Variants in FBXW11 observed in about 807,000 individuals in gnomAD.
FBXW11 encodes F-box and WD repeat domain containing 11, also known as F-box/WD repeat-containing protein 11.
FBXW11 carries 19 observed loss-of-function variants against 77.6 expected under a neutral mutation model. The observed-to-expected ratio is 0.24, with a 90% CI of 0.17 to 0.36. The LOEUF is 0.36. Among genes scored for constraint, FBXW11 ranks in the 10% least tolerant of loss-of-function variants. The pLI is 1.00. For missense variants in FBXW11, 334 were observed against 704.2 expected (o/e 0.47, Z 5.95); for synonymous variants, 235 against 249.4 (o/e 0.94, Z 0.54).
At chr5:171,938,683 A>T (rs4868132) in intron 2 of FBXW11, among the ~76,000 whole-genome samples, 120,577 of 152,174 alleles carry the variant, frequency 0.79, 51,379 homozygotes, top group East Asian at 0.97. Flanking sequence ...ATTCAGTAAC[A>T]ATATGAAAAT....
At chr5:171,957,785 T>C (rs531722140) in intron 1 of FBXW11, 87 bp from the exon 2 acceptor site, 46 of 1,145,260 alleles carry the variant, frequency 4.0e-5, no homozygotes, top group Non-Finnish European at 5.3e-5. Flanking sequence ...TGAATGTTAG[T>C]TGGGGCAGGG....
chr5:171,987,840 C>T (rs1409792710), intron 1 of FBXW11, among the ~76,000 whole-genome samples: 4 of 152,170 alleles, frequency 2.6e-5, no homozygotes, highest in South Asian at 4.1e-4. Flanking sequence ...GTGATCCTTA[C>T]AAGTTTTCAC....
intron 4 of FBXW11, among the ~76,000 whole-genome samples, chr5:171,907,506 C>T (rs1760605437): frequency 6.6e-6 from 1 of 152,116 alleles, no homozygotes. Context: ...GGAACTAATG[C>T]CATGTTTAAT....
At chr5:171,957,010 G>C (rs947535127) in intron 2 of FBXW11, among the ~76,000 whole-genome samples, 1 of 152,184 alleles carries the variant, frequency 6.6e-6, no homozygotes, top group Non-Finnish European at 1.5e-5. Flanking sequence ...TTCTCTGCCG[G>C]CCTCGGCCTG....
chr5:171,923,017 C>G (rs1384229080), intron 2 of FBXW11, among the ~76,000 whole-genome samples: 1 of 152,134 alleles, frequency 6.6e-6, no homozygotes, highest in African/African-American at 2.4e-5. Context: ...GCGGTTCAAG[C>G]AATACTCGTG....
At chr5:171,916,744 G>A (rs1292040724) in intron 2 of FBXW11, among the ~76,000 whole-genome samples, 1 of 152,054 alleles carries the variant, frequency 6.6e-6, no homozygotes, top group African/African-American at 2.4e-5. Context: ...TTCTAAGAGT[G>A]GTAAGGAGAA....
chr5:171,982,064 G>A (rs1339214236), intron 1 of FBXW11, among the ~76,000 whole-genome samples: 1 of 151,984 alleles, frequency 6.6e-6, no homozygotes. Flanking sequence ...TTGGGGTGAC[G>A]GAAATGTTCC....
intron 1 of FBXW11, among the ~76,000 whole-genome samples, chr5:171,974,723 T>C (rs1371804166): frequency 5.3e-5 from 8 of 152,062 alleles, no homozygotes; most frequent in African/African-American, 1.9e-4. Flanking sequence ...TAACAAGACC[T>C]CATCTCTTAA....
intron 2 of FBXW11, among the ~76,000 whole-genome samples, chr5:171,917,873 T>C (rs1300988553): frequency 6.6e-6 from 1 of 151,940 alleles, no homozygotes; most frequent in Non-Finnish European, 1.5e-5. Context: ...TCCATTAAGA[T>C]ACAAAAGGTT....
intron 3 of FBXW11, among the ~76,000 whole-genome samples, chr5:171,913,533 C>T (rs901738207): frequency 2.0e-5 from 3 of 152,074 alleles, no homozygotes; most frequent in African/African-American, 7.2e-5. Flanking sequence ...ATGCTATTTC[C>T]AGCCACGTGC....
At chr5:171,930,892 G>A (rs1762159638) in intron 2 of FBXW11, among the ~76,000 whole-genome samples, 1 of 151,486 alleles carries the variant, frequency 6.6e-6, no homozygotes. Flanking sequence ...TACCAGCAAT[G>A]AGCAAATGAA....
At chr5:171,868,867 G>A in intron 12 of FBXW11, 71 bp from the exon 13 acceptor site, 1 of 1,433,598 alleles carries the variant, frequency 7.0e-7, no homozygotes, top group Non-Finnish European at 9.4e-7. Context: ...TGAGAAACTG[G>A]GCAGAAGATG....
At position 171,869,979 on chromosome 5, in the gene FBXW11, T is replaced by C. The variant is rs1404239411; in HGVS notation, c.1452-172A>G. Among the ~76,000 whole-genome samples the C allele has an allele frequency of 6.6e-6, 1 of 152,156 alleles. No individual in the cohort carries two copies. The highest frequency in any genetic ancestry group is 1.5e-5 in the Non-Finnish European group (1 of 68,020). ...CCAATTACACTTGATTTTGGAAAAA[T>C]TAAGAACCTACACATTCTCAGAATT... On this transcript the variant is annotated intron_variant, in intron 11 of 13. Transcript: ENST00000517395. This position sits in a 1 kb window ranked among gnomAD's most constrained non-coding sequence, Gnocchi z 4.1.
chr5:171,915,613 CTGTG>C (rs200618306), intron 2 of FBXW11, among the ~76,000 whole-genome samples: 2,979 of 129,608 alleles, frequency 0.023, 90 homozygotes, highest in African/African-American at 0.071. Flanking sequence ...GTCACTCATT[CTGTG>C]TGTGTGTGTG....
At chr5:171,966,092 G>A (rs1280577183) in intron 1 of FBXW11, among the ~76,000 whole-genome samples, 4 of 152,142 alleles carry the variant, frequency 2.6e-5, no homozygotes, top group African/African-American at 9.7e-5. Context: ...TAAGCCTGCA[G>A]AACTGTGAGT....
At chr5:172,002,536 A>G (rs1340073711) in intron 1 of FBXW11, among the ~76,000 whole-genome samples, 2 of 151,250 alleles carry the variant, frequency 1.3e-5, no homozygotes, top group African/African-American at 4.9e-5. Flanking sequence ...CATGAGGAGA[A>G]AGGTGGTGAC....
At chr5:171,979,643 T>C (rs950020374) in intron 1 of FBXW11, among the ~76,000 whole-genome samples, 1 of 152,182 alleles carries the variant, frequency 6.6e-6, no homozygotes, top group Non-Finnish European at 1.5e-5. Context: ...CGAACTTTGA[T>C]CCCTACCGCA....
chr5:171,919,674 C>T (rs1192047938), intron 2 of FBXW11, among the ~76,000 whole-genome samples: 1 of 152,174 alleles, frequency 6.6e-6, no homozygotes, highest in African/African-American at 2.4e-5. Flanking sequence ...TCCTGTTTTA[C>T]ACATTGGGGG....
chr5:171,957,690 C>A lies in FBXW11; in HGVS notation c.54G>T (p.Val18=), dbSNP rs770868241. Residue 18 remains valine (V), a synonymous_variant, in exon 2 of 14, where the codon GTG becomes GTT. Coordinates refer to ENST00000517395, the MANE Select transcript of FBXW11 (RefSeq NM_001378974.1). ...CGCAGCCTAGCCACAAAGACCTTGG[C>A]ACAGAACACTGCAGGATGACAAAAA... ...EDKTIELMCS[V]PRSLWLGCAN... The A allele has an allele frequency of 6.2e-7, 1 of 1,613,996 alleles. No individual in the cohort carries two copies. The highest frequency in any genetic ancestry group is 1.7e-5 in the Admixed American group (1 of 60,024).
Sources: allele counts gnomAD v4.1 joint callset (sites outside exome capture counted in the v4.1 genomes callset), GRCh38; gene constraint gnomAD v4.1.1; non-coding constraint Gnocchi (gnomAD v3.1); transcripts MANE v1.5; gene names NCBI Gene and HGNC (gene_info 2026-07-23, HGNC 2026-07-21).